The following LINGO2 variants were observed in gnomAD, a reference collection of about 807,000 sequenced individuals.
LINGO2 encodes the protein leucine rich repeat and Ig domain containing 2.
In LINGO2, 14 loss-of-function variants were observed where a neutral mutation model predicts 30.6. That is an observed-to-expected ratio of 0.46 (90% CI 0.30 to 0.72). LINGO2 has a LOEUF of 0.72. Among genes scored for constraint, LINGO2 ranks in the 30% least tolerant of loss-of-function variants. The probability of loss-of-function intolerance (pLI) is 0.07; values close to 1 mark genes in which losing one functional copy is unlikely to be tolerated. For missense variants in LINGO2, 729 were observed against 751.7 expected (o/e 0.97, Z 0.35); for synonymous variants, 317 against 288.5 (o/e 1.10, Z -1.00).
intron 2 of LINGO2, among the ~76,000 whole-genome samples, chr9:28,417,909 A>G (rs1308383798): frequency 3.9e-5 from 6 of 152,164 alleles, no homozygotes. Flanking sequence ...TTATGAGTGA[A>G]CTAATCAATG....
At chr9:28,178,799 T>A (rs1423315660) in intron 4 of LINGO2, among the ~76,000 whole-genome samples, 1 of 152,162 alleles carries the variant, frequency 6.6e-6, no homozygotes, top group Non-Finnish European at 1.5e-5. Context: ...CTGGAAGATT[T>A]CCAATCCATG....
At chr9:29,157,747 G>C in the LINGO2 span, among the ~76,000 whole-genome samples, 2 of 151,932 alleles carry the variant, frequency 1.3e-5, no homozygotes, top group African/African-American at 4.8e-5. Context: ...ATCTCGGCTT[G>C]TATAATACAA....
At chr9:28,091,539 C>T (rs1053494646) in intron 4 of LINGO2, among the ~76,000 whole-genome samples, 2 of 152,122 alleles carry the variant, frequency 1.3e-5, no homozygotes, top group African/African-American at 4.8e-5. Flanking sequence ...ATACCTTATA[C>T]AAAAATTAAT....
At chr9:28,373,621 C>A (rs749669938) in intron 2 of LINGO2, among the ~76,000 whole-genome samples, 1 of 151,970 alleles carries the variant, frequency 6.6e-6, no homozygotes, top group Non-Finnish European at 1.5e-5. Flanking sequence ...GGATTCAGGC[C>A]GGGCGCAGTG....
the LINGO2 span, among the ~76,000 whole-genome samples, chr9:28,921,185 C>A: frequency 6.6e-6 from 1 of 152,078 alleles, no homozygotes; most frequent in Non-Finnish European, 1.5e-5. Context: ...AAATGTTAAT[C>A]TTTTATTAAG....
chr9:29,023,684 A>G, the LINGO2 span, among the ~76,000 whole-genome samples: 1 of 152,144 alleles, frequency 6.6e-6, no homozygotes, highest in African/African-American at 2.4e-5. Context: ...CATTTTAATC[A>G]AGAAAAAATA....
intron 1 of LINGO2, among the ~76,000 whole-genome samples, chr9:28,603,599 A>G (rs947042691): frequency 1.3e-5 from 2 of 152,046 alleles, no homozygotes; most frequent in Non-Finnish European, 2.9e-5. Flanking sequence ...TTTGTGAGGC[A>G]CCTGATTATA....
At chr9:28,336,180 T>A (rs1241422871) in intron 3 of LINGO2, among the ~76,000 whole-genome samples, 1 of 152,148 alleles carries the variant, frequency 6.6e-6, no homozygotes, top group Non-Finnish European at 1.5e-5. Context: ...TCTAAATGGC[T>A]GAACATAATT....
intron 2 of LINGO2, among the ~76,000 whole-genome samples, chr9:28,465,321 G>A (rs1044440261): frequency 3.3e-5 from 5 of 152,168 alleles, no homozygotes; most frequent in Middle Eastern, 3.4e-3. Flanking sequence ...GTGGGAAGGC[G>A]GCCTAACCAT....
intron 4 of LINGO2, among the ~76,000 whole-genome samples, chr9:28,035,256 G>C (rs536389530): frequency 2.6e-5 from 4 of 152,238 alleles, no homozygotes; most frequent in African/African-American, 9.6e-5. Context: ...GCTTCAGAGG[G>C]ATTTGTATAG....
intron 1 of LINGO2, among the ~76,000 whole-genome samples, chr9:28,490,269 C>T (rs1055047259): frequency 1.3e-5 from 2 of 152,116 alleles, no homozygotes; most frequent in Non-Finnish European, 2.9e-5. Context: ...AGAAAATATA[C>T]TGAGGCTTAG....
intron 4 of LINGO2, among the ~76,000 whole-genome samples, chr9:28,230,792 A>T (rs1821328471): frequency 6.6e-6 from 1 of 151,872 alleles, no homozygotes; most frequent in Non-Finnish European, 1.5e-5. Context: ...ATGTTTATCC[A>T]CAGTGCTTTG....
upstream of LINGO2, among the ~76,000 whole-genome samples, chr9:28,674,588 C>A (rs1469701879): frequency 6.6e-6 from 1 of 152,204 alleles, no homozygotes; most frequent in Non-Finnish European, 1.5e-5. Flanking sequence ...GATTCTCACA[C>A]TTTATTTCAA....
the LINGO2 span, among the ~76,000 whole-genome samples, chr9:28,757,110 A>G: frequency 6.6e-6 from 1 of 152,046 alleles, no homozygotes; most frequent in East Asian, 1.9e-4. Context: ...ATCTCTATAA[A>G]TCCTATAAAT....
the LINGO2 span, among the ~76,000 whole-genome samples, chr9:28,806,989 G>GA: frequency 6.6e-6 from 1 of 151,166 alleles, no homozygotes; most frequent in African/African-American, 2.4e-5. Context: ...GGTCTCATGT[G>GA]AAAAACATTA....
At chr9:29,169,470 A>G in the LINGO2 span, among the ~76,000 whole-genome samples, 1 of 152,126 alleles carries the variant, frequency 6.6e-6, no homozygotes, top group Non-Finnish European at 1.5e-5. Flanking sequence ...GGCAAAAGAC[A>G]TACACAGACA....
chr9:28,350,769 T>G (rs28862656), intron 3 of LINGO2, among the ~76,000 whole-genome samples: 59,434 of 148,682 alleles, frequency 0.4, 12,406 homozygotes, highest in South Asian at 0.55. Context: ...CCTCAGCAAA[T>G]GTAAAAGAAC....
intron 1 of LINGO2, among the ~76,000 whole-genome samples, chr9:28,557,579 G>C (rs1272109594): frequency 6.6e-6 from 1 of 151,992 alleles, no homozygotes; most frequent in African/African-American, 2.4e-5. Flanking sequence ...CATTGTGGAA[G>C]TCAGTGTGGC....
chr9:28,833,690 A>G, the LINGO2 span, among the ~76,000 whole-genome samples: 24 of 152,108 alleles, frequency 1.6e-4, no homozygotes, highest in African/African-American at 5.3e-4. Flanking sequence ...AGTTTTCTAG[A>G]GTTTGTAGGA....
Sources: allele counts gnomAD v4.1 joint callset (sites outside exome capture counted in the v4.1 genomes callset), GRCh38; gene constraint gnomAD v4.1.1; transcripts MANE v1.5; gene names NCBI Gene and HGNC (gene_info 2026-07-23, HGNC 2026-07-21).